Variants in ABTB3 observed in about 807,000 individuals in gnomAD.
ABTB3 encodes ankyrin repeat- and BTB/POZ domain-containing protein 3.
At chr12:107,402,371 C>A in the ABTB3 span, among the ~76,000 whole-genome samples, 11 of 152,174 alleles carry the variant, frequency 7.2e-5, no homozygotes, top group African/African-American at 2.2e-4. Context: ...CTGGCTTGAC[C>A]GCCTAAGAGG....
chr12:107,552,272 T>G, the ABTB3 span, among the ~76,000 whole-genome samples: 1 of 152,206 alleles, frequency 6.6e-6, no homozygotes, highest in Non-Finnish European at 1.5e-5. Context: ...AAATAAAGTT[T>G]GAAAGCCTCA....
At chr12:107,500,395 G>T in the ABTB3 span, among the ~76,000 whole-genome samples, 1 of 152,184 alleles carries the variant, frequency 6.6e-6, no homozygotes, top group Non-Finnish European at 1.5e-5. Context: ...TCTCGAGGGT[G>T]CTTCCAGGCA....
the ABTB3 span, among the ~76,000 whole-genome samples, chr12:107,585,047 G>C: frequency 6.6e-6 from 1 of 152,058 alleles, no homozygotes; most frequent in Non-Finnish European, 1.5e-5. Context: ...TATTCGACAG[G>C]GTTTCTTATG....
the ABTB3 span, among the ~76,000 whole-genome samples, chr12:107,465,573 G>C: frequency 5.4e-3 from 825 of 152,254 alleles, 10 homozygotes; most frequent in African/African-American, 0.019. Flanking sequence ...CAGTGTGGGC[G>C]TCCTGCTCAG....
At chr12:107,501,756 A>T in the ABTB3 span, among the ~76,000 whole-genome samples, 4 of 152,154 alleles carry the variant, frequency 2.6e-5, no homozygotes, top group Non-Finnish European at 5.9e-5. Flanking sequence ...GTTCTGGAAA[A>T]AAAAATGTCC....
chr12:107,432,294 G>A, the ABTB3 span, among the ~76,000 whole-genome samples: 1 of 152,204 alleles, frequency 6.6e-6, no homozygotes, highest in Non-Finnish European at 1.5e-5. Context: ...TGGGAGAGAA[G>A]GAAAGAGGGA....
At chr12:107,531,919 C>A in the ABTB3 span, among the ~76,000 whole-genome samples, 1 of 152,176 alleles carries the variant, frequency 6.6e-6, no homozygotes, top group Non-Finnish European at 1.5e-5. Context: ...CCCAGCAATG[C>A]AGCCACATCC....
the ABTB3 span, among the ~76,000 whole-genome samples, chr12:107,354,194 A>G: frequency 6.6e-6 from 1 of 152,070 alleles, no homozygotes; most frequent in African/African-American, 2.4e-5. Flanking sequence ...TCCTTGTGAT[A>G]ATTTATTATC....
the ABTB3 span, among the ~76,000 whole-genome samples, chr12:107,443,439 G>GA: frequency 6.6e-6 from 1 of 152,060 alleles, no homozygotes; most frequent in South Asian, 2.1e-4. Context: ...CACCAGACCT[G>GA]AAAGAGGGGA....
the ABTB3 span, chr12:107,581,377 A>G: frequency 1.6e-6 from 2 of 1,218,072 alleles, no homozygotes; most frequent in African/African-American, 1.6e-5. Flanking sequence ...CCCTCCAATC[A>G]GAGCCCCGCT....
At chr12:107,524,162 G>T in the ABTB3 span, among the ~76,000 whole-genome samples, 1 of 152,220 alleles carries the variant, frequency 6.6e-6, no homozygotes, top group Non-Finnish European at 1.5e-5. Context: ...TTGCATGTGA[G>T]TTGTTGGCAC....
the ABTB3 span, among the ~76,000 whole-genome samples, chr12:107,359,774 G>A: frequency 6.6e-6 from 1 of 152,018 alleles, no homozygotes; most frequent in Non-Finnish European, 1.5e-5. Flanking sequence ...AAGCCTCAGG[G>A]ACTTTAAGTA....
the ABTB3 span, among the ~76,000 whole-genome samples, chr12:107,343,209 C>T: frequency 2.0e-5 from 3 of 151,950 alleles, no homozygotes; most frequent in East Asian, 1.9e-4. Context: ...GAAATAGGGT[C>T]TCCCTATGTT....
At chr12:107,366,298 C>T in the ABTB3 span, among the ~76,000 whole-genome samples, 1 of 152,146 alleles carries the variant, frequency 6.6e-6, no homozygotes, top group Non-Finnish European at 1.5e-5. Flanking sequence ...CAACTATTTT[C>T]CAGAGAAAGC....
At chr12:107,622,902 C>G in the ABTB3 span, among the ~76,000 whole-genome samples, 2 of 152,220 alleles carry the variant, frequency 1.3e-5, no homozygotes, top group Non-Finnish European at 2.9e-5. Flanking sequence ...TGTGCTCACT[C>G]AAACCATACT....
At chr12:107,576,289 T>C in the ABTB3 span, among the ~76,000 whole-genome samples, 1 of 152,230 alleles carries the variant, frequency 6.6e-6, no homozygotes, top group South Asian at 2.1e-4. Flanking sequence ...AGTATATTAG[T>C]TTGCTGGGGC....
the ABTB3 span, among the ~76,000 whole-genome samples, chr12:107,415,479 T>C: frequency 1.3e-5 from 2 of 151,262 alleles, no homozygotes; most frequent in East Asian, 1.9e-4. Flanking sequence ...GAGGCCGAGG[T>C]GGGCGGATCA....
chr12:107,416,047 A>C, the ABTB3 span, among the ~76,000 whole-genome samples: 1 of 152,140 alleles, frequency 6.6e-6, no homozygotes, highest in African/African-American at 2.4e-5. Context: ...AAAATTCTGG[A>C]GTCTGAAATA....
the ABTB3 span, among the ~76,000 whole-genome samples, chr12:107,363,997 CT>C: frequency 1.3e-5 from 2 of 152,312 alleles, no homozygotes; most frequent in East Asian, 3.9e-4. Context: ...AACAGCACCC[CT>C]GTCATAGAGT....
Sources: allele counts gnomAD v4.1 joint callset (sites outside exome capture counted in the v4.1 genomes callset), GRCh38; gene constraint gnomAD v4.1.1; transcripts MANE v1.5; gene names NCBI Gene and HGNC (gene_info 2026-07-23, HGNC 2026-07-21).